LRRC4C: variants seen among roughly 807,000 people sequenced by gnomAD.
LRRC4C encodes leucine-rich repeat-containing protein 4C.
LRRC4C carries 5 observed loss-of-function variants against 33.6 expected under a neutral mutation model. The ratio of observed to expected loss-of-function variants is 0.15; its 90% CI spans 0.08 to 0.31. The LOEUF is 0.31. Among genes scored for constraint, LRRC4C ranks in the 10% least tolerant of loss-of-function variants. The probability of loss-of-function intolerance (pLI) is 1.00; values close to 1 mark genes in which losing one functional copy is unlikely to be tolerated. For missense variants in LRRC4C, 560 were observed against 796.7 expected (o/e 0.70, Z 3.58); for synonymous variants, 329 against 302.0 (o/e 1.09, Z -0.93).
chr11:40,268,889 C>T (rs189617262), intron 4 of LRRC4C, among the ~76,000 whole-genome samples: 9 of 152,180 alleles, frequency 5.9e-5, no homozygotes, highest in East Asian at 3.9e-4. Context: ...GACTGAGAAC[C>T]GCCAGTCTAG....
intron 3 of LRRC4C, among the ~76,000 whole-genome samples, chr11:40,408,224 C>T (rs1950028580): frequency 6.6e-6 from 1 of 151,822 alleles, no homozygotes; most frequent in Non-Finnish European, 1.5e-5. Flanking sequence ...GTTGAATTTC[C>T]CCTCACAATG....
chr11:41,429,343 G>A (rs1955154217), intron 1 of LRRC4C, among the ~76,000 whole-genome samples: 1 of 152,128 alleles, frequency 6.6e-6, no homozygotes, highest in African/African-American at 2.4e-5. Context: ...TTAGCAGCAT[G>A]AGGACGGACT....
chr11:40,417,949 T>C (rs1950388013), intron 3 of LRRC4C, among the ~76,000 whole-genome samples: 1 of 152,228 alleles, frequency 6.6e-6, no homozygotes, highest in Non-Finnish European at 1.5e-5. Context: ...GTAGTAATAA[T>C]GCCAGCACCT....
At chr11:40,165,251 T>C (rs1388320084) in intron 5 of LRRC4C, among the ~76,000 whole-genome samples, 1 of 152,258 alleles carries the variant, frequency 6.6e-6, no homozygotes, top group Admixed American at 6.5e-5. Context: ...CGCATGTCTG[T>C]ATCTATATGT....
chr11:41,231,771 ATG>A (rs753012785), intron 1 of LRRC4C, among the ~76,000 whole-genome samples: 8 of 151,640 alleles, frequency 5.3e-5, no homozygotes, highest in East Asian at 3.9e-4. Context: ...TAATATATAT[ATG>A]TGTGTGTGTG....
chr11:41,380,234 C>A (rs1272422941), intron 1 of LRRC4C, among the ~76,000 whole-genome samples: 1 of 152,090 alleles, frequency 6.6e-6, no homozygotes, highest in Non-Finnish European at 1.5e-5. Flanking sequence ...CTATGTTTTG[C>A]ACTGTAGTTG....
chr11:40,784,484 C>T (rs1445206301), intron 2 of LRRC4C, among the ~76,000 whole-genome samples: 1 of 152,138 alleles, frequency 6.6e-6, no homozygotes, highest in Admixed American at 6.6e-5. Flanking sequence ...TCTATTAGAT[C>T]TCATTTTTTC....
chr11:40,957,736 G>A (rs1959024268), intron 1 of LRRC4C, among the ~76,000 whole-genome samples: 2 of 151,720 alleles, frequency 1.3e-5, no homozygotes, highest in Admixed American at 6.6e-5. Context: ...AGAAGAGTGT[G>A]TGATGGCTGG....
At chr11:40,455,287 G>C (rs1368258563) in intron 3 of LRRC4C, among the ~76,000 whole-genome samples, 1 of 152,180 alleles carries the variant, frequency 6.6e-6, no homozygotes, top group African/African-American at 2.4e-5. Context: ...ACTAGTTCCA[G>C]ATGGAAGCAG....
intron 1 of LRRC4C, among the ~76,000 whole-genome samples, chr11:40,975,368 A>G (rs543911186): frequency 4.4e-4 from 67 of 152,260 alleles, no homozygotes; most frequent in African/African-American, 1.6e-3. Flanking sequence ...GATAGACCCT[A>G]TTGGTTCTGT....
At chr11:40,696,748 G>GTATATATATATATATATATATATA (rs57752272) in intron 2 of LRRC4C, among the ~76,000 whole-genome samples, 5 of 125,890 alleles carry the variant, frequency 4.0e-5, no homozygotes, top group African/African-American at 1.6e-4. Flanking sequence ...TATACACTGT[G>GTATATATATATATATATATATATA]TATATATATA....
intron 1 of LRRC4C, among the ~76,000 whole-genome samples, chr11:41,068,648 C>T (rs1446276937): frequency 6.6e-6 from 1 of 152,188 alleles, no homozygotes; most frequent in Non-Finnish European, 1.5e-5. Flanking sequence ...GACACATACA[C>T]CCTCGCATAC....
chr11:40,874,437 A>T (rs1386434182), intron 2 of LRRC4C, among the ~76,000 whole-genome samples: 1 of 152,140 alleles, frequency 6.6e-6, no homozygotes, highest in Non-Finnish European at 1.5e-5. Flanking sequence ...ATCCAAATGG[A>T]CCATGAAAAA....
At chr11:40,657,482 C>T (rs1943186382) in intron 2 of LRRC4C, among the ~76,000 whole-genome samples, 1 of 148,502 alleles carries the variant, frequency 6.7e-6, no homozygotes. Context: ...GCAAACCTGT[C>T]TCCCATTCTA....
intron 2 of LRRC4C, among the ~76,000 whole-genome samples, chr11:40,662,675 T>C (rs1209806703): frequency 6.6e-6 from 1 of 152,210 alleles, no homozygotes; most frequent in African/African-American, 2.4e-5. Flanking sequence ...GTAGTGGTAT[T>C]CTGGTGAGGA....
intron 6 of LRRC4C, among the ~76,000 whole-genome samples, chr11:40,120,350 C>G (rs750393932): frequency 3.3e-5 from 5 of 152,126 alleles, no homozygotes; most frequent in Non-Finnish European, 7.4e-5. Context: ...TAGAGTTATC[C>G]TCCTTGTAAA....
intron 5 of LRRC4C, among the ~76,000 whole-genome samples, chr11:40,207,301 C>T (rs1212765439): frequency 6.6e-6 from 1 of 152,084 alleles, no homozygotes; most frequent in Non-Finnish European, 1.5e-5. Context: ...CACAATTGTG[C>T]ATAAAGCCAG....
At chr11:41,217,638 A>G (rs1056099635) in intron 1 of LRRC4C, among the ~76,000 whole-genome samples, 1 of 152,190 alleles carries the variant, frequency 6.6e-6, no homozygotes, top group Non-Finnish European at 1.5e-5. Context: ...AATATTGGCT[A>G]TAGTGCCAAA....
At chr11:41,127,982 T>G (rs1187595609) in intron 1 of LRRC4C, among the ~76,000 whole-genome samples, 2 of 152,160 alleles carry the variant, frequency 1.3e-5, no homozygotes, top group East Asian at 3.9e-4. Flanking sequence ...CACTATTGGC[T>G]GGCCCTGAAT....
Sources: allele counts gnomAD v4.1 joint callset (sites outside exome capture counted in the v4.1 genomes callset), GRCh38; gene constraint gnomAD v4.1.1; transcripts MANE v1.5; gene names NCBI Gene and HGNC (gene_info 2026-07-23, HGNC 2026-07-21).